FNBP1: variants seen among roughly 807,000 people sequenced by gnomAD.
FNBP1 encodes the protein formin binding protein 1.
Under a neutral mutation model 90.6 loss-of-function variants are expected in FNBP1, and 26 were observed. That is an observed-to-expected ratio of 0.29 (90% CI 0.21 to 0.40). The LOEUF (loss-of-function observed/expected upper bound fraction) is 0.40, where lower values mean the gene tolerates loss of function less well. Ranked by LOEUF, FNBP1 falls within the 10% of genes least tolerant of loss-of-function variation. The probability of loss-of-function intolerance (pLI) is 1.00; values close to 1 mark genes in which losing one functional copy is unlikely to be tolerated. For missense variants in FNBP1, 635 were observed against 768.0 expected (o/e 0.83, Z 2.05); for synonymous variants, 260 against 265.2 (o/e 0.98, Z 0.19).
At chr9:130,024,245 AC>A (rs111969260) in intron 1 of FNBP1, among the ~76,000 whole-genome samples, 16 of 150,476 alleles carry the variant, frequency 1.1e-4, no homozygotes, top group East Asian at 2.0e-4. Flanking sequence ...TCCTATCTCT[AC>A]CCCCCCCAAA....
intron 11 of FNBP1, among the ~76,000 whole-genome samples, chr9:129,911,643 A>T (rs1213051947): frequency 6.6e-6 from 1 of 152,052 alleles, no homozygotes; most frequent in African/African-American, 2.4e-5. Context: ...TAAACCAGTA[A>T]ATGTGGTGGC....
intron 10 of FNBP1, among the ~76,000 whole-genome samples, chr9:129,920,195 G>A (rs1031510268): frequency 3.9e-5 from 6 of 152,140 alleles, no homozygotes; most frequent in African/African-American, 1.4e-4. Context: ...CTGAGCACAC[G>A]TTTGAGGAGT....
chr9:130,053,634 G>T, the FNBP1 span: 1 of 452,772 alleles, frequency 2.2e-6, no homozygotes. Flanking sequence ...CGCTTCCAAA[G>T]CTCAGCGAGG....
At chr9:129,958,688 T>G in intron 4 of FNBP1, 135 bp from the exon 5 acceptor site, 1 of 685,482 alleles carries the variant, frequency 1.5e-6, no homozygotes, top group Non-Finnish European at 2.5e-6. Context: ...AATTTAAGAG[T>G]TGAAAGGGGT....
chr9:129,973,970 C>A (rs1242226258), intron 4 of FNBP1, among the ~76,000 whole-genome samples: 2 of 151,820 alleles, frequency 1.3e-5, no homozygotes, highest in Non-Finnish European at 2.9e-5. Context: ...ACCATCATGC[C>A]CAGCTAATTT....
At chr9:129,939,466 T>G (rs2044006989) in intron 6 of FNBP1, among the ~76,000 whole-genome samples, 1 of 152,096 alleles carries the variant, frequency 6.6e-6, no homozygotes, top group Non-Finnish European at 1.5e-5. Context: ...TATGTAAGAC[T>G]ATAAGCCCTT....
intron 15 of FNBP1, 114 bp from the exon 16 acceptor site, chr9:129,896,110 AC>A: frequency 9.0e-7 from 1 of 1,110,738 alleles, no homozygotes; most frequent in Admixed American, 2.3e-5. Flanking sequence ...CACAAAATTC[AC>A]CCCACTCGGA....
At chr9:129,943,083 C>T (rs979760933) in intron 6 of FNBP1, among the ~76,000 whole-genome samples, 45 of 152,326 alleles carry the variant, frequency 3.0e-4, no homozygotes, top group South Asian at 1.2e-3. Flanking sequence ...GGCAGGTCAA[C>T]GTCGGCAACA....
chr9:129,929,916 G>A (rs915615404), intron 6 of FNBP1, among the ~76,000 whole-genome samples: 3 of 152,168 alleles, frequency 2.0e-5, no homozygotes, highest in East Asian at 1.9e-4. Flanking sequence ...CTGCCTTAAC[G>A]TGGCGTGTAC....
At chr9:129,971,247 T>C (rs546981524) in intron 4 of FNBP1, among the ~76,000 whole-genome samples, 1 of 152,102 alleles carries the variant, frequency 6.6e-6, no homozygotes, top group East Asian at 1.9e-4. Flanking sequence ...TACAGTTTTG[T>C]TCATCAGGAA....
chr9:130,028,065 TG>T (rs1210784949), intron 1 of FNBP1, among the ~76,000 whole-genome samples: 1 of 152,172 alleles, frequency 6.6e-6, no homozygotes, highest in Non-Finnish European at 1.5e-5. Flanking sequence ...CCACCATGCC[TG>T]GGGGCATCAC....
intron 1 of FNBP1, among the ~76,000 whole-genome samples, chr9:130,000,248 C>T (rs1489190720): frequency 2.6e-5 from 4 of 152,118 alleles, no homozygotes; most frequent in Middle Eastern, 6.3e-3. Flanking sequence ...CCCAGCACTT[C>T]GGGAGGCAGA....
At chr9:129,918,980 T>C in intron 10 of FNBP1, 1 of 211,940 alleles carries the variant, frequency 4.7e-6, no homozygotes, top group Non-Finnish European at 9.8e-6. Context: ...ATGGTTGAAT[T>C]TATACAATTA....
At position 129,915,973 on chromosome 9, in the gene FNBP1, A is replaced by G. The variant is rs747804961; in HGVS notation, c.1178T>C (p.Leu393Pro). Residue 393 changes from leucine to proline, a missense_variant, in exon 11 of 17, where the codon CTC becomes CCC. Transcript: ENST00000446176. Reference sequence around the variant, plus strand: ...TGGAACAATTGTGCTTACCAGCTTGAGAGAAAGCTTCATGTAAAAATTGGA... The same window carrying G: ...TGGAACAATTGTGCTTACCAGCTTGGGAGAAAGCTTCATGTAAAAATTGGA... Reference protein sequence around the residue: ...CFRSLKRGLSLKLGATPEDFS... With the variant: ...CFRSLKRGLSPKLGATPEDFS... 6.2e-7 allele frequency: 1 copy of G among 1,608,898 alleles called. No individual in the cohort carries two copies. The highest frequency in any genetic ancestry group is 1.1e-5 in the South Asian group (1 of 90,822).
At position 130,024,322 on chromosome 9, in the gene FNBP1, G is replaced by A. The variant is rs1278745561; in HGVS notation, c.24+18630C>T. ...AAAAATTAGCTGGGCGTGGTAGTGT[G>A]CACCTGAGTCTTAGCTACTGGGGAG... On this transcript the variant is annotated intron_variant, in intron 1 of 16. Coordinates refer to ENST00000446176, the MANE Select transcript of FNBP1 (RefSeq NM_015033.3). Among the ~76,000 whole-genome samples, 15 of 151,858 alleles carry A rather than the reference G, an allele frequency of 9.9e-5. 1 individual carries two copies. The highest frequency in any genetic ancestry group is 9.9e-4 in the Admixed American group (15 of 15,222).
chr9:130,018,478 C>G (rs2057479832), intron 1 of FNBP1, among the ~76,000 whole-genome samples: 2 of 152,158 alleles, frequency 1.3e-5, no homozygotes, highest in African/African-American at 4.8e-5. Flanking sequence ...GTAGAGCCTA[C>G]AAACCTCCCT....
chr9:129,979,569 T>G (rs1274071626), intron 2 of FNBP1, among the ~76,000 whole-genome samples, 195 bp from the exon 3 acceptor site: 1 of 152,232 alleles, frequency 6.6e-6, no homozygotes, highest in Non-Finnish European at 1.5e-5. Flanking sequence ...CTTTTCATCT[T>G]TTGTCTCAAA....
At chr9:129,987,790 C>T (rs1054563115) in intron 2 of FNBP1, among the ~76,000 whole-genome samples, 2 of 151,992 alleles carry the variant, frequency 1.3e-5, no homozygotes, top group Admixed American at 6.6e-5. Flanking sequence ...TATGAGCCAC[C>T]GTGCCTGGCC....
At chr9:129,926,984 A>G (rs2042020351) in intron 8 of FNBP1, among the ~76,000 whole-genome samples, 1 of 152,168 alleles carries the variant, frequency 6.6e-6, no homozygotes, top group African/African-American at 2.4e-5. Flanking sequence ...AAATACTTCA[A>G]TTCAATTCTG....
Sources: gnomAD v4.1 joint callset for allele counts (sites outside exome capture counted in the v4.1 genomes callset) on GRCh38, gnomAD v4.1.1 for gene constraint, MANE v1.5 for transcripts, NCBI Gene and HGNC (gene_info 2026-07-23, HGNC 2026-07-21) for gene names.